The following FTO variants were observed in gnomAD, a reference collection of about 807,000 sequenced individuals.
The protein encoded by FTO is FTO alpha-ketoglutarate dependent dioxygenase, also known as alpha-ketoglutarate-dependent dioxygenase FTO.
Under a neutral mutation model 63.9 loss-of-function variants are expected in FTO, and 47 were observed. The observed-to-expected ratio is 0.74, with a 90% CI of 0.58 to 0.94. The LOEUF is 0.94. FTO is among the 40% of genes least tolerant of loss of function. FTO has a pLI of 0.00. For missense variants in FTO, 562 were observed against 618.1 expected (o/e 0.91, Z 0.96); for synonymous variants, 207 against 224.4 (o/e 0.92, Z 0.69).
chr16:53,793,771 AG>A (rs2077988643), intron 1 of FTO, among the ~76,000 whole-genome samples: 1 of 152,084 alleles, frequency 6.6e-6, no homozygotes, highest in African/African-American at 2.4e-5. Context: ...TAAAATAGAA[AG>A]GTGCTCATAA....
At position 54,111,922 on chromosome 16, in the gene FTO, C is replaced by G. The variant is rs778420628; in HGVS notation, c.*7C>G. 5 of 1,613,910 alleles carry G rather than the reference C, an allele frequency of 3.1e-6. No individual in the cohort carries two copies. The African/African-American group carries it at 6.7e-5, about 22-fold the overall frequency. The stretch of plus-strand genomic sequence containing the variant: ...TCTGGAAGCAAAACCCTAGAAGGAG[C>G]ACAAGTCTCAGGCGGAGGAGAAAAA... On this transcript the variant is annotated 3_prime_UTR_variant, in exon 9 of 9. Transcript: ENST00000471389.
chr16:53,933,270 A>G (rs1247520325), intron 7 of FTO, among the ~76,000 whole-genome samples: 3 of 152,214 alleles, frequency 2.0e-5, no homozygotes, highest in Non-Finnish European at 2.9e-5. Flanking sequence ...TTTCATTGAA[A>G]TTGTAGTGGC....
chr16:53,933,462 A>C (rs2082324702), intron 7 of FTO, among the ~76,000 whole-genome samples: 1 of 152,194 alleles, frequency 6.6e-6, no homozygotes, highest in African/African-American at 2.4e-5. Flanking sequence ...GATTTGCAAC[A>C]GGCAAGGAAA....
chr16:53,922,575 T>A (rs556918227), intron 7 of FTO, among the ~76,000 whole-genome samples: 1 of 152,324 alleles, frequency 6.6e-6, no homozygotes, highest in Admixed American at 6.5e-5. Context: ...GTGTTATAAC[T>A]TTTAGTACTG....
At chr16:53,805,579 G>T (rs879593325) in intron 1 of FTO, among the ~76,000 whole-genome samples, 2 of 151,506 alleles carry the variant, frequency 1.3e-5, no homozygotes, top group Non-Finnish European at 2.9e-5. Flanking sequence ...CTCCTGAGTT[G>T]CTGGGACTGC....
At chr16:53,790,130 T>G (rs2077868575) in intron 1 of FTO, among the ~76,000 whole-genome samples, 1 of 150,432 alleles carries the variant, frequency 6.6e-6, no homozygotes, top group Non-Finnish European at 1.5e-5. Flanking sequence ...AGGATAAAAT[T>G]TATAATTTTA....
chr16:53,846,940 AAG>A (rs1037310134), intron 4 of FTO, among the ~76,000 whole-genome samples: 2 of 152,208 alleles, frequency 1.3e-5, no homozygotes, highest in African/African-American at 2.4e-5. Flanking sequence ...CTCTGGAAAA[AAG>A]AGTCTGAAAT....
chr16:53,854,172 TG>T (rs2079903748), intron 4 of FTO, among the ~76,000 whole-genome samples: 1 of 152,186 alleles, frequency 6.6e-6, no homozygotes, highest in Non-Finnish European at 1.5e-5. Flanking sequence ...TGGGATTATT[TG>T]TTTTTTTTCT....
At chr16:53,978,852 C>G (rs1466763863) in intron 8 of FTO, among the ~76,000 whole-genome samples, 1 of 152,044 alleles carries the variant, frequency 6.6e-6, no homozygotes, top group Non-Finnish European at 1.5e-5. Context: ...CAAAAATTAG[C>G]TAGGCATGGT....
intron 1 of FTO, chr16:53,764,407 GGATCACTAGGTCAGGA>G (rs2077142054): frequency 6.7e-6 from 1 of 149,554 alleles, no homozygotes; most frequent in African/African-American, 2.5e-5. Context: ...CGAGGCGGGC[GGATCACTAGGTCAGGA>G]GATCAAAACC....
chr16:53,933,017 T>C (rs1201706597), intron 7 of FTO, among the ~76,000 whole-genome samples: 1 of 152,074 alleles, frequency 6.6e-6, no homozygotes, highest in Non-Finnish European at 1.5e-5. Context: ...GAGATTTAGG[T>C]GATGTTGCCA....
chr16:53,970,123 C>T (rs2083283055), intron 8 of FTO, among the ~76,000 whole-genome samples: 1 of 152,220 alleles, frequency 6.6e-6, no homozygotes, highest in East Asian at 1.9e-4. Context: ...TAGATTGGAC[C>T]GTAATTTTCT....
intron 8 of FTO, among the ~76,000 whole-genome samples, chr16:53,983,121 T>C (rs2083584485): frequency 6.6e-6 from 1 of 152,162 alleles, no homozygotes; most frequent in African/African-American, 2.4e-5. Context: ...GAGATTTCTC[T>C]CTGCGCTTTT....
intron 8 of FTO, chr16:54,054,399 G>A (rs2085382696): frequency 6.6e-6 from 1 of 152,210 alleles, no homozygotes; most frequent in Admixed American, 6.5e-5. Flanking sequence ...ATCAGTGTGT[G>A]TGTTCACCAC....
At chr16:53,805,706 T>G (rs538951005) in intron 1 of FTO, among the ~76,000 whole-genome samples, 1 of 152,228 alleles carries the variant, frequency 6.6e-6, no homozygotes. Flanking sequence ...TGCCTCCACC[T>G]CCCAAAGTGC....
chr16:54,007,192 G>A (rs1186036540), intron 8 of FTO, among the ~76,000 whole-genome samples: 1 of 152,064 alleles, frequency 6.6e-6, no homozygotes, highest in African/African-American at 2.4e-5. Context: ...AAGAATGGTC[G>A]TATAACCTAA....
chr16:53,770,569 GC>G (rs1183014005), intron 1 of FTO, among the ~76,000 whole-genome samples: 1 of 152,112 alleles, frequency 6.6e-6, no homozygotes, highest in African/African-American at 2.4e-5. Flanking sequence ...CATTTCAATT[GC>G]TTTGAAAAGG....
chr16:54,103,569 T>A (rs1351907355), intron 8 of FTO, among the ~76,000 whole-genome samples: 1 of 152,216 alleles, frequency 6.6e-6, no homozygotes, highest in Non-Finnish European at 1.5e-5. Context: ...GTGTCTTTTG[T>A]CAAAACTCAT....
chr16:53,911,461 C>G, intron 7 of FTO: 1 of 703,054 alleles, frequency 1.4e-6, no homozygotes, highest in Non-Finnish European at 2.6e-6. Context: ...TTGCATTCAT[C>G]ATGGGAAGAA....
Sources: allele counts gnomAD v4.1 joint callset (sites outside exome capture counted in the v4.1 genomes callset), GRCh38; gene constraint gnomAD v4.1.1; transcripts MANE v1.5; gene names NCBI Gene and HGNC (gene_info 2026-07-23, HGNC 2026-07-21).